LAMA1: variants seen among roughly 807,000 people sequenced by gnomAD.
The protein encoded by LAMA1 is laminin subunit alpha 1.
A neutral mutation model predicts 348.7 loss-of-function variants in LAMA1; 219 were observed. That is an observed-to-expected ratio of 0.63 (90% CI 0.56 to 0.70). LAMA1 has a LOEUF of 0.70. LAMA1 is among the 30% of genes least tolerant of loss of function. LAMA1 has a pLI of 0.00. For missense variants in LAMA1, 3,744 were observed against 3,888.0 expected, an observed-to-expected ratio of 0.96 and a Z score of 0.99; for synonymous variants, 1,487 against 1,491.0, an observed-to-expected ratio of 1.00 and a Z score of 0.06.
intron 30 of LAMA1, among the ~76,000 whole-genome samples, chr18:7,000,662 G>T (rs577385203): frequency 2.0e-5 from 3 of 152,054 alleles, no homozygotes; most frequent in Non-Finnish European, 4.4e-5. Context: ...CTGCCTTCAC[G>T]TTTTAAATTA....
At chr18:7,030,213 TGA>T (rs926198383) in intron 16 of LAMA1, among the ~76,000 whole-genome samples, 44 of 152,270 alleles carry the variant, frequency 2.9e-4, no homozygotes, top group African/African-American at 1.0e-3. Context: ...CTGCTCTCAA[TGA>T]GAGGGCACGG....
chr18:7,067,667 A>G (rs1309537754), intron 3 of LAMA1, among the ~76,000 whole-genome samples: 2 of 152,128 alleles, frequency 1.3e-5, no homozygotes, highest in East Asian at 1.9e-4. Flanking sequence ...GCATTTCACT[A>G]TATGTCAATT....
At chr18:6,976,594 ATTTATTTAT>A (rs2057683493) in intron 44 of LAMA1, among the ~76,000 whole-genome samples, 1 of 116,040 alleles carries the variant, frequency 8.6e-6, no homozygotes, top group African/African-American at 4.4e-5. Flanking sequence ...GCTTATATTT[ATTTATTTAT>A]TTATTTATTT....
At position 6,999,587 on chromosome 18, in the gene LAMA1, C is replaced by T. The variant is rs566997618; in HGVS notation, c.4521G>A (p.Gln1507=). Residue 1507 remains glutamine (Q), a synonymous_variant, in exon 32 of 63, where the codon CAG becomes CAA. Coordinates refer to ENST00000389658, the MANE Select transcript of LAMA1 (RefSeq NM_005559.4). ...GNPQTPGGSC[Q]KCDCNPHGSV... is the part of the protein sequence containing the mutation. The stretch of plus-strand genomic sequence containing the variant: ...AGCCGTGCGGGTTGCAGTCACACTT[C>T]TGGCAACTGCCACCTGGTGTTTGAG... 1.7e-5 allele frequency: 27 copies of T among 1,613,884 alleles called. No individual in the cohort carries two copies. In the South Asian group the frequency reaches 2.9e-4, roughly 17 times the overall value.
rs756039152 is a variant in LAMA1 at position 7,049,115 on chromosome 18, CG to C, written c.730del (p.Arg244GlyfsTer18). ...AATAGGATCCAGTTCTTTAGGTTCC[CG>C]GTGGCTAAGGGTCATGAGATCTGCA... is the stretch of plus-strand genomic sequence containing the variant. ...LNADLMTLSH[R>X]EPKELDPIVT... is the part of the protein sequence containing the mutation. On this transcript the variant is annotated frameshift_variant, in exon 5 of 63. Transcript: ENST00000389658. LOFTEE classifies it high-confidence loss of function. 1 of 1,614,026 alleles carries C rather than the reference CG, an allele frequency of 6.2e-7. No individual in the cohort carries two copies. Among genetic ancestry groups the C allele is most frequent in the South Asian group, 1.1e-5 (1 of 91,054 alleles).
At chr18:7,008,708 C>A (rs1258276260) in intron 27 of LAMA1, 100 bp from the exon 28 acceptor site, 2 of 1,406,520 alleles carry the variant, frequency 1.4e-6, no homozygotes, top group Non-Finnish European at 2.0e-6. Flanking sequence ...GAAACCAGAG[C>A]TTTCTTCCCT....
intron 3 of LAMA1, among the ~76,000 whole-genome samples, chr18:7,064,280 C>A (rs2058113885): frequency 6.7e-6 from 1 of 149,748 alleles, no homozygotes. Context: ...ACACCCCCTC[C>A]AAAAAAAAAG....
At chr18:7,114,076 CAAAAAA>C (rs4012960) in intron 1 of LAMA1, among the ~76,000 whole-genome samples, 1 of 115,390 alleles carries the variant, frequency 8.7e-6, no homozygotes, top group East Asian at 2.4e-4. Flanking sequence ...GACTCCGTCT[CAAAAAA>C]AAAAAAAAAA....
At chr18:7,051,372 A>T (rs1033126751) in intron 3 of LAMA1, among the ~76,000 whole-genome samples, 1 of 152,198 alleles carries the variant, frequency 6.6e-6, no homozygotes, top group Non-Finnish European at 1.5e-5. Flanking sequence ...TAAAAAATAG[A>T]ATCAGTAGCA....
intron 56 of LAMA1, chr18:6,956,263 C>CT (rs34931978): frequency 0.014 from 4,386 of 309,744 alleles, 8 homozygotes; most frequent in South Asian, 0.021. Flanking sequence ...TGAATTGAAT[C>CT]TTTTTTTTTT....
At chr18:7,014,646 A>G (rs1308996291) in intron 22 of LAMA1, among the ~76,000 whole-genome samples, 1 of 151,074 alleles carries the variant, frequency 6.6e-6, no homozygotes, top group African/African-American at 2.4e-5. Flanking sequence ...TCTCAATTAA[A>G]AAAAAAAAAA....
At chr18:7,063,775 C>T (rs1341701872) in intron 3 of LAMA1, among the ~76,000 whole-genome samples, 2 of 152,080 alleles carry the variant, frequency 1.3e-5, no homozygotes, top group Admixed American at 6.6e-5. Context: ...GAATATGATT[C>T]CACTTATGTA....
Position 6,992,622 on chromosome 18 carries a change from G to C in LAMA1, c.5107C>G (p.Leu1703Val). ...QNMQQNGTSL[L>V]EIMQIRDFTQ... is the part of the protein sequence containing the mutation. The stretch of plus-strand genomic sequence containing the variant: ...AAGTCTCTTATCTGCATGATTTCTA[G>C]CAAAGATGTACCATTCTGTTGCATG... The change falls in exon 36 of 63, where the codon CTA (leucine) becomes GTA (valine). Residue 1703 changes from leucine (L) to valine (V), a missense_variant. Leu to Val is a conservative substitution (Grantham distance 32). This residue lies in a region of LAMA1 where 1,983 missense variants were observed against 1,934.3 expected (regional missense o/e 1.03). Coordinates refer to ENST00000389658, the MANE Select transcript of LAMA1 (RefSeq NM_005559.4). The C allele has an allele frequency of 6.2e-7, 1 of 1,614,094 alleles. No homozygotes were observed.
At chr18:7,021,268 C>T (rs1050106374) in intron 19 of LAMA1, among the ~76,000 whole-genome samples, 1 of 152,200 alleles carries the variant, frequency 6.6e-6, no homozygotes, top group South Asian at 2.1e-4. Context: ...TCATTCATCG[C>T]CTTGACCTTC....
intron 1 of LAMA1, among the ~76,000 whole-genome samples, chr18:7,098,458 G>T (rs1205487802): frequency 6.6e-6 from 1 of 151,018 alleles, no homozygotes; most frequent in Non-Finnish European, 1.5e-5. Flanking sequence ...GTCCCTGCCC[G>T]GCCGCCCATC....
chr18:7,065,342 C>A (rs1234849365), intron 3 of LAMA1, among the ~76,000 whole-genome samples: 1 of 151,122 alleles, frequency 6.6e-6, no homozygotes, highest in Admixed American at 6.6e-5. Context: ...TTTCTGTAAA[C>A]CTAAAACTTC....
chr18:7,011,196 A>G (rs1007816838), intron 25 of LAMA1, 104 bp downstream of exon 25: 50 of 1,276,184 alleles, frequency 3.9e-5, no homozygotes, highest in Non-Finnish European at 5.1e-5. Flanking sequence ...GAAATTAATA[A>G]CTACTTCTTT....
intron 20 of LAMA1, 96 bp from the exon 21 acceptor site, chr18:7,016,767 A>C: frequency 2.1e-5 from 24 of 1,137,600 alleles, no homozygotes; most frequent in Non-Finnish European, 3.0e-5. Flanking sequence ...AGGGTATTTC[A>C]TAGAATCATA....
At chr18:6,987,703 C>A (rs1025602536) in intron 36 of LAMA1, among the ~76,000 whole-genome samples, 1 of 152,132 alleles carries the variant, frequency 6.6e-6, no homozygotes, top group East Asian at 1.9e-4. Flanking sequence ...GGTGTCAGGT[C>A]ACTGGGTTAA....
Sources: allele counts gnomAD v4.1 joint callset (sites outside exome capture counted in the v4.1 genomes callset), GRCh38; gene constraint gnomAD v4.1.1; regional missense constraint gnomAD v4.1.1; transcripts MANE v1.5; gene names NCBI Gene and HGNC (gene_info 2026-07-23, HGNC 2026-07-21).